The following THEMIS variants were observed in gnomAD, a reference collection of about 807,000 sequenced individuals.
The protein encoded by THEMIS is protein THEMIS.
Under a neutral mutation model 52.6 loss-of-function variants are expected in THEMIS, and 37 were observed. That is an observed-to-expected ratio of 0.70 (90% confidence interval 0.54 to 0.93). The LOEUF (loss-of-function observed/expected upper bound fraction) is 0.93. Ranked by LOEUF, THEMIS falls within the 40% of genes least tolerant of loss-of-function variation. The pLI is 0.00. For synonymous variants in THEMIS, 292 were observed against 272.7 expected (o/e 1.07, Z -0.70); for missense variants, 808 against 763.1 (o/e 1.06, Z -0.69).
At chr6:127,859,098 G>A (rs1213448937) in intron 1 of THEMIS, among the ~76,000 whole-genome samples, 2 of 152,010 alleles carry the variant, frequency 1.3e-5, no homozygotes, top group African/African-American at 2.4e-5. Context: ...ACGTGTGACA[G>A]TCAGCAAATA....
intron 2 of THEMIS, among the ~76,000 whole-genome samples, chr6:127,838,374 G>T (rs1251639789): frequency 6.6e-6 from 1 of 151,998 alleles, no homozygotes; most frequent in Non-Finnish European, 1.5e-5. Context: ...TAAACCATTT[G>T]AATTTCTTCT....
intron 1 of THEMIS, among the ~76,000 whole-genome samples, chr6:127,907,802 T>C (rs1209055858): frequency 3.3e-5 from 5 of 151,224 alleles, no homozygotes; most frequent in Admixed American, 6.6e-5. Context: ...CACCATTCTC[T>C]TCTGTCTCCA....
In THEMIS at chr6:127,787,884, G is replaced by GAT. The variant is rs879753495; in HGVS notation, c.1758+24997_1758+24998dup. 3.1e-3 allele frequency among the ~76,000 whole-genome samples: 413 copies of GAT among 132,980 alleles called. 1 individual carries two copies. The highest frequency in any genetic ancestry group is 0.011 in the Middle Eastern group (3 of 274). The allele number at this position is 132,980 out of a possible 152,430, so 87.2% of individuals were successfully genotyped here. A position where few individuals can be genotyped will look rare whatever the true frequency, so the allele number is the denominator to read the frequency against. On this transcript the variant is annotated intron_variant, in intron 4 of 5. Coordinates refer to ENST00000368248, the MANE Select transcript of THEMIS (RefSeq NM_001010923.3). ...ATAGATAGATAGATAGATAGATATA[G>GAT]ATAGATAGATAGATAGATAGATAGA... is the stretch of plus-strand genomic sequence containing the variant.
chr6:127,809,118 G>T (rs1291998927), intron 4 of THEMIS, among the ~76,000 whole-genome samples: 3 of 152,278 alleles, frequency 2.0e-5, no homozygotes, highest in Middle Eastern at 6.8e-3. Flanking sequence ...ACATTTTAAT[G>T]AGCTAAATGA....
At chr6:127,765,785 A>G (rs1295570995) in intron 4 of THEMIS, among the ~76,000 whole-genome samples, 1 of 152,160 alleles carries the variant, frequency 6.6e-6, no homozygotes, top group Non-Finnish European at 1.5e-5. Flanking sequence ...GTCATACCAT[A>G]TAGCCTAGAT....
intron 4 of THEMIS, among the ~76,000 whole-genome samples, chr6:127,784,065 G>T (rs1776840154): frequency 6.6e-6 from 1 of 152,144 alleles, no homozygotes; most frequent in African/African-American, 2.4e-5. Context: ...CATACAAAAG[G>T]ATGAGTTCAT....
Position 127,829,911 on chromosome 6 carries a change from T to C in THEMIS, c.274A>G (p.Lys92Glu), listed in dbSNP as rs1211526753. 4 of 1,611,570 alleles carry C rather than the reference T, an allele frequency of 2.5e-6. No homozygotes were observed. In the African/African-American group the frequency reaches 4.0e-5, roughly 16 times the overall value. ...TCTTCCATAGTAAGGTATGGAGTTTTATCAGCCACAATCTTAAAAAGACCT... is the reference window on the plus strand; with the variant it reads ...TCTTCCATAGTAAGGTATGGAGTTTCATCAGCCACAATCTTAAAAAGACCT... Reference protein sequence around the residue: ...FPGLFKIVADKTPYLTMEEIT... With the variant: ...FPGLFKIVADETPYLTMEEIT... Residue 92 changes from lysine (K) to glutamate (E), a missense_variant, in exon 3 of 6, where the codon AAA becomes GAA. Transcript: ENST00000368248.
At chr6:127,782,633 G>A (rs1294129845) in intron 4 of THEMIS, among the ~76,000 whole-genome samples, 1 of 152,168 alleles carries the variant, frequency 6.6e-6, no homozygotes, top group African/African-American at 2.4e-5. Context: ...TGCACCCACT[G>A]TCTAATCAGC....
intron 5 of THEMIS, among the ~76,000 whole-genome samples, chr6:127,712,826 C>T (rs1774028929): frequency 6.6e-6 from 1 of 151,834 alleles, no homozygotes. Flanking sequence ...CATAAAATTA[C>T]ATGGGTAATT....
intron 4 of THEMIS, among the ~76,000 whole-genome samples, chr6:127,738,435 C>T (rs917346727): frequency 2.0e-5 from 3 of 152,144 alleles, no homozygotes; most frequent in Admixed American, 6.5e-5. Flanking sequence ...TGAGAAAGTT[C>T]TATCTTATTA....
At chr6:127,721,686 T>G (rs1583198218) in intron 4 of THEMIS, among the ~76,000 whole-genome samples, 1 of 152,142 alleles carries the variant, frequency 6.6e-6, no homozygotes, top group East Asian at 1.9e-4. Flanking sequence ...TTTTTAAAAT[T>G]TATTGTCAGG....
chr6:127,776,679 C>T (rs1457335150), intron 4 of THEMIS, among the ~76,000 whole-genome samples: 1 of 152,126 alleles, frequency 6.6e-6, no homozygotes, highest in South Asian at 2.1e-4. Context: ...TGAATGTTTG[C>T]TGTTTATACT....
chr6:127,700,205 T>A, the THEMIS span, among the ~76,000 whole-genome samples: 26 of 151,998 alleles, frequency 1.7e-4, 1 homozygote, highest in East Asian at 5.0e-3. Flanking sequence ...AGAGTAGTCT[T>A]CCTCTAACAG....
At chr6:127,809,925 A>G (rs886457268) in intron 4 of THEMIS, among the ~76,000 whole-genome samples, 7 of 151,198 alleles carry the variant, frequency 4.6e-5, no homozygotes, top group African/African-American at 1.7e-4. Flanking sequence ...GAACCTCTTA[A>G]CATCTTTAAC....
rs767437602 is a variant in THEMIS at position 127,813,435 on chromosome 6, C to T, written c.1206G>A (p.Glu402=). Residue 402 remains glutamate, a synonymous_variant, in exon 4 of 6, where the codon GAG becomes GAA. Coordinates refer to ENST00000368248, the MANE Select transcript of THEMIS (RefSeq NM_001010923.3). ...GAACATTCACCACTTTTTTTATTCC[C>T]TCACAGAGGACTTCAGTCGTCTCTG... ...HQSETTEVLC[E]GIKKVVNVLA... is the part of the protein sequence containing the mutation. The T allele has an allele frequency of 3.1e-6, 5 of 1,613,930 alleles. No homozygotes were observed. The African/African-American group carries it at 4.0e-5, about 13-fold the overall frequency.
chr6:127,881,283 G>T (rs1583390641), intron 1 of THEMIS, among the ~76,000 whole-genome samples: 1 of 151,894 alleles, frequency 6.6e-6, no homozygotes, highest in Middle Eastern at 3.4e-3. Context: ...ATTTGTACTT[G>T]TTAAAAATGA....
At chr6:127,758,047 GTA>G (rs1395208703) in intron 4 of THEMIS, among the ~76,000 whole-genome samples, 1 of 151,238 alleles carries the variant, frequency 6.6e-6, no homozygotes, top group Non-Finnish European at 1.5e-5. Context: ...ACACATATAT[GTA>G]TATAACAATA....
chr6:127,714,480 T>C (rs1774091009), intron 5 of THEMIS, among the ~76,000 whole-genome samples: 1 of 151,868 alleles, frequency 6.6e-6, no homozygotes, highest in African/African-American at 2.4e-5. Flanking sequence ...AATCAGGCAA[T>C]GGGACCTATT....
intron 4 of THEMIS, among the ~76,000 whole-genome samples, chr6:127,760,899 C>T (rs566832891): frequency 5.3e-5 from 8 of 152,192 alleles, no homozygotes; most frequent in Admixed American, 5.2e-4. Flanking sequence ...GCAATTATTT[C>T]ATGTATATGA....
Sources: allele counts gnomAD v4.1 joint callset (sites outside exome capture counted in the v4.1 genomes callset), GRCh38; gene constraint gnomAD v4.1.1; transcripts MANE v1.5; gene names NCBI Gene and HGNC (gene_info 2026-07-23, HGNC 2026-07-21).